Variants in ST6GALNAC3 observed in about 807,000 individuals in gnomAD.
ST6GALNAC3 encodes the protein ST6 N-acetylgalactosaminide alpha-2,6-sialyltransferase 3, also known as alpha-N-acetylgalactosaminide alpha-2,6-sialyltransferase 3.
ST6GALNAC3 carries 25 observed loss-of-function variants against 32.7 expected under a neutral mutation model. That is an observed-to-expected ratio of 0.76 (90% CI 0.56 to 1.07). The LOEUF (loss-of-function observed/expected upper bound fraction) is 1.07, where lower values mean the gene tolerates loss of function less well. ST6GALNAC3 is among the 50% of genes least tolerant of loss of function. The pLI, the probability that ST6GALNAC3 is intolerant of heterozygous loss-of-function variation, is 0.00. For missense variants in ST6GALNAC3, 355 were observed against 382.4 expected, an observed-to-expected ratio of 0.93 and a Z score of 0.60; for synonymous variants, 129 against 133.1, an observed-to-expected ratio of 0.97 and a Z score of 0.21.
intron 1 of ST6GALNAC3, among the ~76,000 whole-genome samples, chr1:76,288,791 G>C (rs1191335450): frequency 6.6e-6 from 1 of 152,170 alleles, no homozygotes; most frequent in South Asian, 2.1e-4. Context: ...CACAGGTGAT[G>C]GTCAGAGTCA....
chr1:76,324,351 A>C (rs2100933521), intron 2 of ST6GALNAC3, among the ~76,000 whole-genome samples: 1 of 152,316 alleles, frequency 6.6e-6, no homozygotes, highest in South Asian at 2.1e-4. Context: ...AAGGAGAATA[A>C]ATAGTAACTG....
intron 1 of ST6GALNAC3, among the ~76,000 whole-genome samples, chr1:76,256,015 A>AACACACAC (rs10635688): frequency 0.2 from 30,183 of 148,376 alleles, 3,221 homozygotes; most frequent in African/African-American, 0.23. Flanking sequence ...TGTCAGTGGT[A>AACACACAC]ACACACACAC....
intron 3 of ST6GALNAC3, among the ~76,000 whole-genome samples, chr1:76,525,791 G>GTGTATATAGATATATATATATA (rs1438917629): frequency 1.3e-5 from 1 of 75,530 alleles, no homozygotes; most frequent in Non-Finnish European, 3.0e-5. Flanking sequence ...GTGTGTGTGT[G>GTGTATATAGATATATATATATA]TATATATATA....
intron 3 of ST6GALNAC3, among the ~76,000 whole-genome samples, chr1:76,478,708 CCTT>C (rs915576918): frequency 6.6e-6 from 1 of 151,470 alleles, no homozygotes; most frequent in Non-Finnish European, 1.5e-5. Context: ...CTTTAATTGA[CCTT>C]CTCTATGGTC....
intron 1 of ST6GALNAC3, among the ~76,000 whole-genome samples, chr1:76,164,416 A>G (rs1006093651): frequency 5.3e-5 from 8 of 152,186 alleles, no homozygotes; most frequent in African/African-American, 1.7e-4. Context: ...CTTTTAGTAG[A>G]TGGTAGCTAT....
At chr1:76,532,991 T>G (rs1259966583) in intron 3 of ST6GALNAC3, among the ~76,000 whole-genome samples, 1 of 152,138 alleles carries the variant, frequency 6.6e-6, no homozygotes, top group African/African-American at 2.4e-5. Context: ...AATTTCATAT[T>G]TATCATGAGA....
chr1:76,363,792 G>A (rs1650151521), intron 2 of ST6GALNAC3, among the ~76,000 whole-genome samples: 1 of 152,108 alleles, frequency 6.6e-6, no homozygotes, highest in South Asian at 2.1e-4. Context: ...GGGGGAGTTG[G>A]CACTTCACAT....
chr1:76,118,639 A>G (rs1332818342), intron 1 of ST6GALNAC3, among the ~76,000 whole-genome samples: 1 of 152,212 alleles, frequency 6.6e-6, no homozygotes, highest in East Asian at 1.9e-4. Context: ...ATGTATAAAG[A>G]GACACATGAT....
At chr1:76,419,346 T>C (rs1221817403) in intron 3 of ST6GALNAC3, among the ~76,000 whole-genome samples, 1 of 152,112 alleles carries the variant, frequency 6.6e-6, no homozygotes. Context: ...TCTCTAGATG[T>C]AGTGGCTTTT....
rs148690104 is a variant in ST6GALNAC3, at chr1:76,539,912, T to C, written c.624-87540T>C. ...AATGCTTTTACACTGTTGGTGGGAATGCAAATTAGTTCAACCACTGTGGAA... is the reference window on the plus strand; with the variant it reads ...AATGCTTTTACACTGTTGGTGGGAACGCAAATTAGTTCAACCACTGTGGAA... On this transcript the variant is annotated intron_variant, in intron 3 of 4. Transcript: ENST00000328299. 9.9e-3 allele frequency among the ~76,000 whole-genome samples: 1,505 copies of C among 152,310 alleles called. 17 individuals are homozygous for C. The highest frequency in any genetic ancestry group is 0.034 in the African/African-American group (1,427 of 41,562).
chr1:76,174,699 C>G (rs1442011577), intron 1 of ST6GALNAC3, among the ~76,000 whole-genome samples: 1 of 139,604 alleles, frequency 7.2e-6, no homozygotes, highest in Non-Finnish European at 1.5e-5. Flanking sequence ...TGGAGTCTCT[C>G]TCTGTTGCCC....
chr1:76,122,103 G>A (rs550296922), intron 1 of ST6GALNAC3, among the ~76,000 whole-genome samples: 1 of 152,262 alleles, frequency 6.6e-6, no homozygotes, highest in South Asian at 2.1e-4. Context: ...CATGTATTGT[G>A]TATATAGTGC....
intron 1 of ST6GALNAC3, among the ~76,000 whole-genome samples, chr1:76,274,714 A>G (rs959786096): frequency 6.6e-6 from 1 of 152,196 alleles, no homozygotes; most frequent in Non-Finnish European, 1.5e-5. Context: ...AGTAAATGCA[A>G]ACATAGGTAT....
intron 2 of ST6GALNAC3, among the ~76,000 whole-genome samples, chr1:76,390,007 T>A (rs1262983046): frequency 6.6e-6 from 1 of 152,202 alleles, no homozygotes; most frequent in Non-Finnish European, 1.5e-5. Context: ...CCGCCTATCA[T>A]TGTATCATAC....
At chr1:76,268,290 A>G (rs998263049) in intron 1 of ST6GALNAC3, among the ~76,000 whole-genome samples, 1 of 152,256 alleles carries the variant, frequency 6.6e-6, no homozygotes, top group African/African-American at 2.4e-5. Flanking sequence ...AAAACTCTAC[A>G]TCAGTGACAT....
chr1:76,632,413 G>GA lies in ST6GALNAC3; in HGVS notation c.*3612dup, dbSNP rs1649343708. ...TTGCAGGCTTAGCTAAAGTCACATT[G>GA]AAAAACATTGCATCAAGCTTCATTC... On this transcript the variant is annotated 3_prime_UTR_variant, in exon 5 of 5. Transcript: ENST00000328299. 1.3e-5 allele frequency: 2 copies of GA among 152,134 alleles called. No individual in the cohort carries two copies. Among genetic ancestry groups the GA allele is most frequent in the South Asian group, 4.1e-4 (2 of 4,830 alleles). 9.4% of individuals were successfully genotyped at this position (152,134 alleles called of 1,614,324 possible).
chr1:76,216,203 C>A (rs1216745065), intron 1 of ST6GALNAC3, among the ~76,000 whole-genome samples: 1 of 152,136 alleles, frequency 6.6e-6, no homozygotes, highest in East Asian at 1.9e-4. Context: ...AGATTACAAC[C>A]TTTCCCTGGA....
intron 1 of ST6GALNAC3, among the ~76,000 whole-genome samples, chr1:76,185,153 A>G (rs1344142894): frequency 6.6e-6 from 1 of 152,112 alleles, no homozygotes; most frequent in Non-Finnish European, 1.5e-5. Flanking sequence ...TAGACCCGAG[A>G]CTCAAATCTA....
chr1:76,093,780 C>T (rs935017304), intron 1 of ST6GALNAC3, among the ~76,000 whole-genome samples: 3 of 152,272 alleles, frequency 2.0e-5, no homozygotes, highest in Non-Finnish European at 4.4e-5. Flanking sequence ...ATTTACCTTC[C>T]CACAGTTTCC....
Sources: allele counts gnomAD v4.1 joint callset (sites outside exome capture counted in the v4.1 genomes callset), GRCh38; gene constraint gnomAD v4.1.1; transcripts MANE v1.5; gene names NCBI Gene and HGNC (gene_info 2026-07-23, HGNC 2026-07-21).